PCNX1: variants seen among roughly 807,000 people sequenced by gnomAD.
PCNX1 encodes the protein pecanex-like protein 1.
PCNX1 carries 78 observed loss-of-function variants against 242.2 expected under a neutral mutation model. The observed-to-expected ratio is 0.32, with a 90% confidence interval of 0.27 to 0.39. The LOEUF (loss-of-function observed/expected upper bound fraction) is 0.39, where lower values mean the gene tolerates loss of function less well. Ranked by LOEUF, PCNX1 falls within the 10% of genes least tolerant of loss-of-function variation. The pLI, the probability that PCNX1 is intolerant of heterozygous loss-of-function variation, is 1.00. For missense variants in PCNX1, 2,581 were observed against 2,856.5 expected (o/e 0.90, Z 2.20); for synonymous variants, 1,024 against 1,032.9 (o/e 0.99, Z 0.17).
Position 71,057,366 on chromosome 14 carries a change from A to G in PCNX1, c.4637-143A>G, listed in dbSNP as rs1453769473. 54 of 592,828 alleles carry G rather than the reference A, an allele frequency of 9.1e-5. 1 individual carries two copies. The East Asian group carries it at 1.5e-3, about 16-fold the overall frequency. The allele number at this position is 592,828 out of a possible 1,614,324, so 36.7% of individuals were successfully genotyped here. A position where few individuals can be genotyped will look rare whatever the true frequency, so the allele number is the denominator to read the frequency against. ...TTCCATTTTCCTGTTTTACTTTTGT[A>G]TAGAAACTGTAAGGGTATGAATGTT... On this transcript the variant is annotated intron_variant, in intron 25 of 35. Coordinates refer to ENST00000304743, the MANE Select transcript of PCNX1 (RefSeq NM_014982.3).
intron 26 of PCNX1, among the ~76,000 whole-genome samples, chr14:71,063,815 A>G (rs1463226895): frequency 6.6e-6 from 1 of 152,174 alleles, no homozygotes; most frequent in Non-Finnish European, 1.5e-5. Flanking sequence ...GCTCTTAGTT[A>G]AACCCATTCA....
At chr14:71,038,055 C>T (rs2060595048) in intron 19 of PCNX1, among the ~76,000 whole-genome samples, 2 of 52,582 alleles carry the variant, frequency 3.8e-5, no homozygotes, top group African/African-American at 1.6e-4. Flanking sequence ...CTTCCTTACA[C>T]CTTATACAAA....
At chr14:71,049,363 A>C (rs1041178552) in intron 22 of PCNX1, among the ~76,000 whole-genome samples, 2 of 152,180 alleles carry the variant, frequency 1.3e-5, no homozygotes, top group African/African-American at 4.8e-5. Context: ...GATAATCAGT[A>C]ATATTCAAGG....
At position 71,109,066 on chromosome 14, in the gene PCNX1, G is replaced by T; in HGVS notation, c.6744+20G>T. On this transcript the variant is annotated intron_variant, in intron 34 of 35. Coordinates refer to ENST00000304743, the MANE Select transcript of PCNX1 (RefSeq NM_014982.3). ...GTCCAAGTAAGTAAGCCCAGAGGTGGTCTTGTGCTGTTTTTGTTACTTATT... is the reference window on the plus strand; with the variant it reads ...GTCCAAGTAAGTAAGCCCAGAGGTGTTCTTGTGCTGTTTTTGTTACTTATT... 1 of 1,558,836 alleles carries T rather than the reference G, an allele frequency of 6.4e-7. No individual in the cohort carries two copies.
At chr14:71,022,794 T>C (rs1258139546) in intron 12 of PCNX1, among the ~76,000 whole-genome samples, 1 of 152,168 alleles carries the variant, frequency 6.6e-6, no homozygotes, top group East Asian at 1.9e-4. Context: ...ATTGTTGTTA[T>C]AAGTGAACCC....
chr14:70,941,066 C>T lies in PCNX1; in HGVS notation c.154-5849C>T, dbSNP rs192933080. On this transcript the variant is annotated intron_variant, in intron 1 of 35. Transcript: ENST00000304743. ...GTTTTTAGCTTCTTTGTGATGGGTT[C>T]GAACATCCTCCTTTAGCTCGGAGAA... Among the ~76,000 whole-genome samples the T allele has an allele frequency of 1.4e-4, 22 of 152,216 alleles. No homozygotes were observed. In the East Asian group the frequency reaches 3.1e-3, roughly 21 times the overall value.
Position 70,978,098 on chromosome 14 carries a change from T to C in PCNX1, c.1761T>C (p.Ser587=), listed in dbSNP as rs774988025. The change falls in exon 6 of 36, where the codon TCT becomes TCC. Residue 587 remains serine (S), a synonymous_variant. Coordinates refer to ENST00000304743, the MANE Select transcript of PCNX1 (RefSeq NM_014982.3). ...HRDYVCFRGV[S]GTKPHSAIFC... ...ACTATGTTTGCTTTCGAGGTGTTTC[T>C]GGTACCAAGCCACACAGTGCTATAT... 26 of 1,614,034 alleles carry C rather than the reference T, an allele frequency of 1.6e-5. No homozygotes were observed. Among genetic ancestry groups the C allele is most frequent in the South Asian group, 6.6e-5 (6 of 91,088 alleles).
chr14:70,921,159 C>G (rs1004128651), intron 1 of PCNX1, among the ~76,000 whole-genome samples: 1 of 152,078 alleles, frequency 6.6e-6, no homozygotes, highest in African/African-American at 2.4e-5. Context: ...GATATAAAAA[C>G]AAACAATTCA....
chr14:71,036,910 C>T (rs1015519938), intron 19 of PCNX1, among the ~76,000 whole-genome samples: 2 of 152,102 alleles, frequency 1.3e-5, no homozygotes, highest in Non-Finnish European at 2.9e-5. Context: ...TTTATTCTTC[C>T]TACCCATGAG....
intron 13 of PCNX1, among the ~76,000 whole-genome samples, chr14:71,024,133 C>A (rs765512599): frequency 1.3e-5 from 2 of 152,148 alleles, no homozygotes; most frequent in Non-Finnish European, 2.9e-5. Flanking sequence ...CCCTTTCTAG[C>A]ACATGATCAT....
chr14:71,049,122 G>C (rs2060948788), intron 22 of PCNX1: 1 of 890,362 alleles, frequency 1.1e-6, no homozygotes, highest in East Asian at 1.2e-4. Context: ...TTGGAAAAAA[G>C]TGAAAGTTGC....
At chr14:71,103,700 G>T in intron 32 of PCNX1, 31 bp downstream of exon 32, 1 of 1,605,770 alleles carries the variant, frequency 6.2e-7, no homozygotes, top group Non-Finnish European at 8.5e-7. Flanking sequence ...ATTCAGTGCT[G>T]GTGTATTCCT....
At chr14:71,025,610 A>G (rs1465627179) in intron 13 of PCNX1, among the ~76,000 whole-genome samples, 4 of 152,122 alleles carry the variant, frequency 2.6e-5, no homozygotes, top group South Asian at 2.1e-4. Context: ...ATCTATTTAT[A>G]TGCATATTAA....
chr14:70,940,670 G>A (rs1311921058), intron 1 of PCNX1, among the ~76,000 whole-genome samples: 2 of 152,084 alleles, frequency 1.3e-5, no homozygotes, highest in East Asian at 3.8e-4. Context: ...TTGAATGTTG[G>A]CCTGCTTTGC....
chr14:70,995,328 A>C (rs1185691903), intron 7 of PCNX1, among the ~76,000 whole-genome samples: 1 of 152,238 alleles, frequency 6.6e-6, no homozygotes, highest in Non-Finnish European at 1.5e-5. Flanking sequence ...GAACAATTCT[A>C]GAGTTATTAC....
chr14:70,990,010 G>A (rs1187553609), intron 7 of PCNX1, among the ~76,000 whole-genome samples: 2 of 152,122 alleles, frequency 1.3e-5, no homozygotes, highest in Non-Finnish European at 2.9e-5. Flanking sequence ...TTAAGTGCAT[G>A]GTAGGTTGGA....
chr14:71,043,397 C>T (rs1468634630), intron 19 of PCNX1, among the ~76,000 whole-genome samples: 1 of 152,100 alleles, frequency 6.6e-6, no homozygotes, highest in African/African-American at 2.4e-5. Flanking sequence ...GCTTTCTATG[C>T]CTTTGCCATT....
chr14:70,951,569 T>G (rs2057780993), intron 2 of PCNX1, among the ~76,000 whole-genome samples: 6 of 152,120 alleles, frequency 3.9e-5, no homozygotes. Flanking sequence ...GAGACGGGGT[T>G]TCATCATGTT....
intron 2 of PCNX1, among the ~76,000 whole-genome samples, chr14:70,951,968 C>T (rs1024258663): frequency 5.9e-5 from 9 of 152,080 alleles, no homozygotes; most frequent in East Asian, 3.9e-4. Context: ...AATGCATATT[C>T]GTACATTGTG....
Sources: allele counts gnomAD v4.1 joint callset (sites outside exome capture counted in the v4.1 genomes callset), GRCh38; gene constraint gnomAD v4.1.1; transcripts MANE v1.5; gene names NCBI Gene and HGNC (gene_info 2026-07-23, HGNC 2026-07-21).